Variants in FGF14 observed in about 807,000 individuals in gnomAD.
FGF14 encodes fibroblast growth factor 14, also known as fibroblast growth factor homologous factor 4.
In FGF14, 5 loss-of-function variants were observed where a neutral mutation model predicts 25.5. The ratio of observed to expected loss-of-function variants is 0.20; its 90% CI spans 0.10 to 0.41. The LOEUF is 0.41. Ranked by LOEUF, FGF14 falls within the 10% of genes least tolerant of loss-of-function variation. The pLI is 1.00. For synonymous variants in FGF14, 138 were observed against 118.3 expected (o/e 1.17, Z -1.08); for missense variants, 222 against 320.1 (o/e 0.69, Z 2.34).
chr13:101,787,790 T>C (rs2039933969), intron 3 of FGF14, among the ~76,000 whole-genome samples: 1 of 152,232 alleles, frequency 6.6e-6, no homozygotes, highest in South Asian at 2.1e-4. Flanking sequence ...GTTTGGTGTT[T>C]CTTTTCACCT....
chr13:101,903,461 CA>C (rs2031830303), intron 1 of FGF14, among the ~76,000 whole-genome samples: 1 of 151,982 alleles, frequency 6.6e-6, no homozygotes. Context: ...TAAGATAAAA[CA>C]AATAAAAGTG....
At chr13:102,101,239 C>T (rs2044649419) in intron 1 of FGF14, among the ~76,000 whole-genome samples, 1 of 152,144 alleles carries the variant, frequency 6.6e-6, no homozygotes, top group Non-Finnish European at 1.5e-5. Flanking sequence ...GACTAAGTCC[C>T]AGATATTCTA....
At chr13:102,039,821 T>G (rs2139990068) in intron 1 of FGF14, among the ~76,000 whole-genome samples, 1 of 152,030 alleles carries the variant, frequency 6.6e-6, no homozygotes, top group South Asian at 2.1e-4. Context: ...ACTTTTGGGG[T>G]TTTAATCCTT....
chr13:102,037,260 T>C (rs544857653), intron 1 of FGF14, among the ~76,000 whole-genome samples: 6 of 152,158 alleles, frequency 3.9e-5, no homozygotes, highest in Non-Finnish European at 8.8e-5. Context: ...TATTGTTCTG[T>C]ATGTCAAAAT....
intron 1 of FGF14, among the ~76,000 whole-genome samples, chr13:102,129,869 A>C (rs2046118080): frequency 6.6e-6 from 1 of 152,190 alleles, no homozygotes; most frequent in African/African-American, 2.4e-5. Context: ...TGGTAAATTA[A>C]AGTTCTCCAT....
intron 1 of FGF14, among the ~76,000 whole-genome samples, chr13:102,237,606 ACAAAC>A (rs1456230084): frequency 6.7e-6 from 1 of 149,764 alleles, no homozygotes; most frequent in Non-Finnish European, 1.5e-5. Context: ...AAAAAGAATT[ACAAAC>A]CTGGTTCAAA....
intron 1 of FGF14, among the ~76,000 whole-genome samples, chr13:102,326,460 T>C (rs922082785): frequency 3.9e-5 from 6 of 152,074 alleles, no homozygotes; most frequent in Non-Finnish European, 8.8e-5. Context: ...ATATTAGTGA[T>C]TGGTAAATAA....
intron 1 of FGF14, among the ~76,000 whole-genome samples, chr13:102,206,449 G>A (rs2049929101): frequency 6.6e-6 from 1 of 152,204 alleles, no homozygotes; most frequent in South Asian, 2.1e-4. Flanking sequence ...GGGAGGCTGA[G>A]GCGGGCAGAT....
At chr13:101,814,983 A>G (rs1388717424) in intron 3 of FGF14, among the ~76,000 whole-genome samples, 2 of 136,328 alleles carry the variant, frequency 1.5e-5, no homozygotes, top group Non-Finnish European at 3.4e-5. Flanking sequence ...GAGACTTATT[A>G]GTACCCCTGA....
intron 1 of FGF14, among the ~76,000 whole-genome samples, chr13:102,291,621 C>T (rs1361370622): frequency 6.6e-6 from 1 of 152,136 alleles, no homozygotes; most frequent in Non-Finnish European, 1.5e-5. Context: ...AGAGTCCCCA[C>T]ACAATACCAT....
intron 3 of FGF14, among the ~76,000 whole-genome samples, chr13:101,747,733 A>G (rs1187320124): frequency 6.6e-6 from 1 of 152,098 alleles, no homozygotes; most frequent in Non-Finnish European, 1.5e-5. Flanking sequence ...GCATCCAACA[A>G]AAGATTAACA....
intron 2 of FGF14, among the ~76,000 whole-genome samples, chr13:101,869,334 G>T (rs2044912624): frequency 1.3e-5 from 2 of 152,182 alleles, no homozygotes; most frequent in African/African-American, 2.4e-5. Flanking sequence ...GAAAAGATGT[G>T]CACCTGCCAA....
chr13:101,868,539 T>A, intron 3 of FGF14, 186 bp downstream of exon 3: 1 of 611,676 alleles, frequency 1.6e-6, no homozygotes, highest in East Asian at 3.1e-5. Flanking sequence ...TTACACTTCC[T>A]TTAGATAAAC....
intron 1 of FGF14, among the ~76,000 whole-genome samples, chr13:102,084,242 T>G (rs755351522): frequency 6.6e-6 from 1 of 152,186 alleles, no homozygotes; most frequent in African/African-American, 2.4e-5. Flanking sequence ...TTTATTTTTC[T>G]TTTGCACTCA....
At chr13:101,891,944 G>A (rs1183736798) in intron 1 of FGF14, among the ~76,000 whole-genome samples, 2 of 152,130 alleles carry the variant, frequency 1.3e-5, no homozygotes, top group African/African-American at 2.4e-5. Context: ...AAGTTGAGAG[G>A]TGAGAGCTCT....
chr13:101,954,318 T>TG (rs371624899), intron 1 of FGF14, among the ~76,000 whole-genome samples: 328 of 52,932 alleles, frequency 6.2e-3, no homozygotes, highest in African/African-American at 0.019. Context: ...CTGGGCGGGG[T>TG]GGGGGGGTGG....
upstream of FGF14, among the ~76,000 whole-genome samples, chr13:101,918,606 G>T (rs185438239): frequency 1.3e-5 from 2 of 152,298 alleles, no homozygotes; most frequent in Admixed American, 6.5e-5. Context: ...CCAGGCAACT[G>T]GGGGGAAGTG....
intron 1 of FGF14, among the ~76,000 whole-genome samples, chr13:102,161,618 A>AG (rs2047695515): frequency 9.3e-4 from 6 of 6,476 alleles, no homozygotes; most frequent in Non-Finnish European, 2.8e-4. Flanking sequence ...AAGAAGAAGA[A>AG]GAAGAAGAAG....
chr13:102,086,929 G>A (rs929961060), intron 1 of FGF14, among the ~76,000 whole-genome samples: 1 of 152,196 alleles, frequency 6.6e-6, no homozygotes, highest in Non-Finnish European at 1.5e-5. Context: ...GTCTGATGAT[G>A]TGGAGTGAAT....
Sources: allele counts gnomAD v4.1 joint callset (sites outside exome capture counted in the v4.1 genomes callset), GRCh38; gene constraint gnomAD v4.1.1; transcripts MANE v1.5; gene names NCBI Gene and HGNC (gene_info 2026-07-23, HGNC 2026-07-21).